Variants in FSTL4 observed in about 807,000 individuals in gnomAD.
FSTL4 encodes the protein follistatin like 4.
Under a neutral mutation model 78.2 loss-of-function variants are expected in FSTL4, and 28 were observed. The ratio of observed to expected loss-of-function variants is 0.36; its 90% CI spans 0.27 to 0.49. The LOEUF (loss-of-function observed/expected upper bound fraction) is 0.49. Ranked by LOEUF, FSTL4 falls within the 20% of genes least tolerant of loss-of-function variation. The probability of loss-of-function intolerance (pLI) is 0.98; values close to 1 mark genes in which losing one functional copy is unlikely to be tolerated. For synonymous variants in FSTL4, 422 were observed against 440.5 expected, an observed-to-expected ratio of 0.96 and a Z score of 0.53; for missense variants, 922 against 1,084.9, an observed-to-expected ratio of 0.85 and a Z score of 2.11.
the FSTL4 span, among the ~76,000 whole-genome samples, chr5:133,724,858 T>C: frequency 6.6e-6 from 1 of 152,240 alleles, no homozygotes; most frequent in African/African-American, 2.4e-5. Flanking sequence ...CACTTACGTT[T>C]AGGTTTATAA....
chr5:133,535,660 C>CTG (rs759194558), intron 3 of FSTL4, among the ~76,000 whole-genome samples: 1 of 152,256 alleles, frequency 6.6e-6, no homozygotes, highest in Non-Finnish European at 1.5e-5. Context: ...CTCTATATTT[C>CTG]TGTGTGTGTG....
chr5:133,201,088 T>C (rs913541872), intron 15 of FSTL4, among the ~76,000 whole-genome samples: 1 of 152,140 alleles, frequency 6.6e-6, no homozygotes, highest in Non-Finnish European at 1.5e-5. Flanking sequence ...AATGGGTGCA[T>C]CTCCAGCAAC....
At chr5:133,689,085 C>T in the FSTL4 span, among the ~76,000 whole-genome samples, 4,075 of 152,276 alleles carry the variant, frequency 0.027, 186 homozygotes, top group African/African-American at 0.094. Flanking sequence ...TCTGCCCTCC[C>T]CGTGGTCCTC....
chr5:133,795,247 G>T, the FSTL4 span, among the ~76,000 whole-genome samples: 3 of 152,214 alleles, frequency 2.0e-5, no homozygotes, highest in Non-Finnish European at 4.4e-5. Context: ...GAAGCAATCC[G>T]TCTGCAAACT....
chr5:133,299,495 G>A (rs1240515907), intron 6 of FSTL4, among the ~76,000 whole-genome samples: 1 of 152,204 alleles, frequency 6.6e-6, no homozygotes, highest in African/African-American at 2.4e-5. Flanking sequence ...CAGGGAGGCT[G>A]TGGAGAGTCT....
At chr5:133,208,502 T>G (rs1387032066) in intron 14 of FSTL4, among the ~76,000 whole-genome samples, 1 of 152,228 alleles carries the variant, frequency 6.6e-6, no homozygotes, top group Non-Finnish European at 1.5e-5. Flanking sequence ...AATATTTTAT[T>G]GGAAACTTAT....
At chr5:133,268,791 C>T (rs772202939) in intron 6 of FSTL4, among the ~76,000 whole-genome samples, 2 of 152,132 alleles carry the variant, frequency 1.3e-5, no homozygotes, top group African/African-American at 2.4e-5. Context: ...TGACCAACGA[C>T]GCCAATTGCA....
chr5:133,665,136 A>G, the FSTL4 span, among the ~76,000 whole-genome samples: 1 of 152,156 alleles, frequency 6.6e-6, no homozygotes, highest in East Asian at 1.9e-4. Context: ...AACCACACCA[A>G]CGACTAAGAC....
chr5:133,282,004 C>G (rs1706024718), intron 6 of FSTL4, among the ~76,000 whole-genome samples: 1 of 152,142 alleles, frequency 6.6e-6, no homozygotes, highest in Non-Finnish European at 1.5e-5. Flanking sequence ...CTATGTTTTC[C>G]CCGAAGCATG....
intron 3 of FSTL4, among the ~76,000 whole-genome samples, chr5:133,423,808 G>A (rs1225551635): frequency 6.6e-6 from 1 of 152,216 alleles, no homozygotes; most frequent in South Asian, 2.1e-4. Flanking sequence ...TCTCTGCACA[G>A]AGCAGGAAGA....
rs144025396 is a variant in FSTL4, at chr5:133,349,286, C to CCTCTCT, written c.410-32640_410-32635dup. ...TGCAAGGGTGCTCCCCTGTTGAAAG[C>CCTCTCT]CTCTCTCTCTGTGTGTGTGTGTGTG... On this transcript the variant is annotated intron_variant, in intron 4 of 15. Transcript: ENST00000265342. 5.7e-3 allele frequency among the ~76,000 whole-genome samples: 811 copies of CCTCTCT among 143,252 alleles called. 7 individuals carry two copies. The highest frequency in any genetic ancestry group is 0.013 in the African/African-American group (514 of 38,196). 94.0% of individuals were successfully genotyped at this position (143,252 alleles called of 152,430 possible). A position where few individuals can be genotyped will look rare whatever the true frequency, so the allele number is the denominator to read the frequency against.
At chr5:133,607,187 G>A (rs977828948) in intron 1 of FSTL4, among the ~76,000 whole-genome samples, 13 of 152,134 alleles carry the variant, frequency 8.5e-5, no homozygotes, top group Non-Finnish European at 1.8e-4. Context: ...CTGTGGATGT[G>A]TTTTAGATGT....
intron 3 of FSTL4, among the ~76,000 whole-genome samples, chr5:133,461,338 G>C (rs1338247082): frequency 2.0e-5 from 3 of 152,188 alleles, no homozygotes; most frequent in African/African-American, 7.2e-5. Context: ...TTCAAGAACA[G>C]GGTGACTGTC....
intron 3 of FSTL4, among the ~76,000 whole-genome samples, chr5:133,455,944 G>A (rs73281696): frequency 0.014 from 2,154 of 152,324 alleles, 70 homozygotes; most frequent in African/African-American, 0.049. Flanking sequence ...AACCCACAGG[G>A]AGGCTCCTGG....
At chr5:133,478,863 C>T (rs1757970671) in intron 3 of FSTL4, among the ~76,000 whole-genome samples, 1 of 152,018 alleles carries the variant, frequency 6.6e-6, no homozygotes, top group South Asian at 2.1e-4. Flanking sequence ...AGCGAGGAGT[C>T]CTTCACTGAC....
chr5:133,309,891 C>T lies in FSTL4; in HGVS notation c.727+2763G>A, dbSNP rs145350934. On this transcript the variant is annotated intron_variant, in intron 6 of 15. Transcript: ENST00000265342. ...AATGCCTCAACCTCTGCCAGCCCAT[C>T]AGCTCTAGTTTTTAAAATTAAATCC... 0.011 allele frequency among the ~76,000 whole-genome samples: 1,730 copies of T among 152,312 alleles called. 16 individuals are homozygous for T. The Middle Eastern group carries it at 0.12, about 10-fold the overall frequency.
chr5:133,542,221 C>T (rs942593584), intron 3 of FSTL4, among the ~76,000 whole-genome samples: 1 of 152,002 alleles, frequency 6.6e-6, no homozygotes, highest in Non-Finnish European at 1.5e-5. Context: ...TTTTAAAATA[C>T]TTTTCTTATA....
chr5:133,733,190 A>G, the FSTL4 span, among the ~76,000 whole-genome samples: 1 of 152,248 alleles, frequency 6.6e-6, no homozygotes, highest in African/African-American at 2.4e-5. Flanking sequence ...ACTCACATGT[A>G]AAAACCAGCT....
intron 3 of FSTL4, among the ~76,000 whole-genome samples, chr5:133,423,700 C>T (rs912564312): frequency 6.6e-6 from 1 of 152,060 alleles, no homozygotes; most frequent in African/African-American, 2.4e-5. Context: ...GGATGGCGAT[C>T]GGGGTGGTGA....
Sources: gnomAD v4.1 joint callset for allele counts (sites outside exome capture counted in the v4.1 genomes callset) on GRCh38, gnomAD v4.1.1 for gene constraint, MANE v1.5 for transcripts, NCBI Gene and HGNC (gene_info 2026-07-23, HGNC 2026-07-21) for gene names.